Variants in COLEC12 observed in about 807,000 individuals in gnomAD.
The protein encoded by COLEC12 is collectin subfamily member 12.
COLEC12 carries 33 observed loss-of-function variants against 71.1 expected under a neutral mutation model. The ratio of observed to expected loss-of-function variants is 0.46; its 90% CI spans 0.35 to 0.62. COLEC12 has a LOEUF of 0.62. Ranked by LOEUF, COLEC12 falls within the 20% of genes least tolerant of loss-of-function variation. COLEC12 has a pLI of 0.00. For missense variants in COLEC12, 765 were observed against 916.1 expected, an observed-to-expected ratio of 0.84 and a Z score of 2.13; for synonymous variants, 350 against 353.0, an observed-to-expected ratio of 0.99 and a Z score of 0.10.
intron 2 of COLEC12, among the ~76,000 whole-genome samples, chr18:427,296 G>T (rs569950477): frequency 6.6e-6 from 1 of 152,302 alleles, no homozygotes; most frequent in East Asian, 1.9e-4. Context: ...AACACGGTTA[G>T]CAAAAGCATC....
At chr18:353,365 T>C (rs1020025001) in intron 3 of COLEC12, among the ~76,000 whole-genome samples, 4 of 152,234 alleles carry the variant, frequency 2.6e-5, no homozygotes, top group African/African-American at 7.2e-5. Flanking sequence ...CTCACAGATG[T>C]TCAGTAACTT....
chr18:321,850 C>T (rs763889240), intron 8 of COLEC12, 43 bp from the exon 9 acceptor site: 1 of 1,570,966 alleles, frequency 6.4e-7, no homozygotes, highest in East Asian at 2.3e-5. Flanking sequence ...CACAGTAATG[C>T]AGAGCTTTTC....
chr18:405,668 C>G (rs1018428155), intron 2 of COLEC12, among the ~76,000 whole-genome samples: 1 of 152,198 alleles, frequency 6.6e-6, no homozygotes, highest in African/African-American at 2.4e-5. Context: ...CTGATCCATT[C>G]ATGGCCATAT....
intron 2 of COLEC12, among the ~76,000 whole-genome samples, chr18:365,890 C>A (rs1334359962): frequency 2.0e-5 from 3 of 152,082 alleles, no homozygotes; most frequent in Non-Finnish European, 4.4e-5. Flanking sequence ...AGTGAAGAAA[C>A]TGAGGCCCAA....
At chr18:474,244 C>T (rs186722720) in intron 2 of COLEC12, among the ~76,000 whole-genome samples, 224 of 152,304 alleles carry the variant, frequency 1.5e-3, no homozygotes, top group East Asian at 1.5e-3. Context: ...GGAGCTTTGG[C>T]TCTCACCTGT....
At chr18:394,297 C>T (rs557886346) in intron 2 of COLEC12, among the ~76,000 whole-genome samples, 29 of 152,342 alleles carry the variant, frequency 1.9e-4, no homozygotes, top group African/African-American at 6.7e-4. Flanking sequence ...TGTAAACACA[C>T]ATGAATGCTG....
At chr18:458,553 G>T (rs1029233292) in intron 2 of COLEC12, among the ~76,000 whole-genome samples, 1 of 152,222 alleles carries the variant, frequency 6.6e-6, no homozygotes, top group South Asian at 2.1e-4. Flanking sequence ...TTTTCTGAAG[G>T]CAGCCTTCGC....
chr18:355,043 C>CCATGCATG (rs202099845), intron 3 of COLEC12, among the ~76,000 whole-genome samples: 1 of 147,958 alleles, frequency 6.8e-6, no homozygotes, highest in African/African-American at 2.6e-5. Context: ...ATCAATCCAT[C>CCATGCATG]CATGCATCCA....
At chr18:489,436 T>C (rs1323545617) in intron 1 of COLEC12, among the ~76,000 whole-genome samples, 1 of 152,168 alleles carries the variant, frequency 6.6e-6, no homozygotes, top group Non-Finnish European at 1.5e-5. Flanking sequence ...TCTGAGTGTG[T>C]GCATGTCTGG....
In COLEC12 at chr18:331,733, G is replaced by A. The variant is rs34573899; in HGVS notation, c.1998C>T (p.Ile666=). ...KQMVGRESHW[I]GLTDSERENE... is the part of the protein sequence containing the mutation. Reference sequence around the variant, plus strand: ...TTTCACGCTCTGAGTCTGTGAGGCCGATCCAGTGGCTCTCTCTCCCTACCA... The same window carrying A: ...TTTCACGCTCTGAGTCTGTGAGGCCAATCCAGTGGCTCTCTCTCCCTACCA... Residue 666 remains isoleucine (I), a synonymous_variant, in exon 8 of 10, where the codon ATC becomes ATT. Transcript: ENST00000400256. The A allele has an allele frequency of 0.02, 32,051 of 1,613,430 alleles. 383 individuals carry two copies. The highest frequency in any genetic ancestry group is 0.024 in the Non-Finnish European group (27,736 of 1,179,348).
intron 2 of COLEC12, among the ~76,000 whole-genome samples, chr18:435,940 T>C (rs971698202): frequency 2.0e-5 from 3 of 152,208 alleles, no homozygotes; most frequent in African/African-American, 7.2e-5. Context: ...CAGTCAGGTA[T>C]CCTTAATAAC....
rs186617348 is a variant in COLEC12, at chr18:335,492, C to A, written c.1328-262G>T. 2.5e-3 allele frequency among the ~76,000 whole-genome samples: 383 copies of A among 152,174 alleles called. 1 individual carries two copies. The highest frequency in any genetic ancestry group is 4.4e-3 in the Non-Finnish European group (300 of 68,024). On this transcript the variant is annotated intron_variant, in intron 5 of 9. Coordinates refer to ENST00000400256, the MANE Select transcript of COLEC12 (RefSeq NM_130386.3). Reference sequence around the variant, plus strand: ...GAGACACGGCCTTTACAGAGGTCATCGAGTTAAAACGAGGTGACATGAGTG... The same window carrying A: ...GAGACACGGCCTTTACAGAGGTCATAGAGTTAAAACGAGGTGACATGAGTG...
intron 1 of COLEC12, among the ~76,000 whole-genome samples, chr18:488,647 C>T (rs139895855): frequency 0.042 from 6,343 of 151,380 alleles, 194 homozygotes; most frequent in Admixed American, 0.12. Flanking sequence ...TCAAGGCAGG[C>T]GGATCACCTG....
chr18:493,717 T>C lies in COLEC12; in HGVS notation c.7+6791A>G, dbSNP rs571835484. Among the ~76,000 whole-genome samples the C allele has an allele frequency of 1.7e-4, 26 of 152,360 alleles. No individual in the cohort carries two copies. The Middle Eastern group carries it at 0.01, about 60-fold the overall frequency. On this transcript the variant is annotated intron_variant, in intron 1 of 9. Transcript: ENST00000400256. ...ATTTGTTTAAAGAATAAATGAAGGC[T>C]AGTTAGAACTTGGTGGCCCAATTAT...
chr18:359,276 A>G (rs1015748434), intron 2 of COLEC12, among the ~76,000 whole-genome samples: 13 of 152,288 alleles, frequency 8.5e-5, no homozygotes, highest in African/African-American at 3.1e-4. Flanking sequence ...ATTGGCAAAC[A>G]CCGCGAATTA....
At chr18:411,794 G>C (rs1482089591) in intron 2 of COLEC12, among the ~76,000 whole-genome samples, 1 of 151,844 alleles carries the variant, frequency 6.6e-6, no homozygotes, top group African/African-American at 2.4e-5. Context: ...TAGTTCCTGG[G>C]CAAAAAAGTG....
At chr18:430,138 G>A (rs1224457011) in intron 2 of COLEC12, among the ~76,000 whole-genome samples, 1 of 152,114 alleles carries the variant, frequency 6.6e-6, no homozygotes, top group African/African-American at 2.4e-5. Flanking sequence ...AGGAGTTCAA[G>A]ACCAGCCTGG....
At chr18:496,300 C>T (rs1917711384) in intron 1 of COLEC12, among the ~76,000 whole-genome samples, 2 of 151,996 alleles carry the variant, frequency 1.3e-5, no homozygotes, top group South Asian at 2.1e-4. Context: ...TTGGAACAAC[C>T]GTGGGAAATT....
chr18:368,801 G>A (rs575329993), intron 2 of COLEC12, among the ~76,000 whole-genome samples: 38 of 152,336 alleles, frequency 2.5e-4, no homozygotes, highest in Non-Finnish European at 4.1e-4. Flanking sequence ...GGGAGGCGGA[G>A]CTTGCAGTGA....
Sources: gnomAD v4.1 joint callset for allele counts (sites outside exome capture counted in the v4.1 genomes callset) on GRCh38, gnomAD v4.1.1 for gene constraint, MANE v1.5 for transcripts, NCBI Gene and HGNC (gene_info 2026-07-23, HGNC 2026-07-21) for gene names.